Variants in TRAF6 observed in about 807,000 individuals in gnomAD.
TRAF6 encodes the protein TNF receptor-associated factor 6.
A neutral mutation model predicts 48.4 loss-of-function variants in TRAF6; 10 were observed. That is an observed-to-expected ratio of 0.21 (90% CI 0.13 to 0.35). The LOEUF (loss-of-function observed/expected upper bound fraction) is 0.35, where lower values mean the gene tolerates loss of function less well. TRAF6 is among the 10% of genes least tolerant of loss of function. TRAF6 has a pLI of 1.00. For missense variants in TRAF6, 397 were observed against 661.0 expected, an observed-to-expected ratio of 0.60 and a Z score of 4.38; for synonymous variants, 186 against 219.6, an observed-to-expected ratio of 0.85 and a Z score of 1.35.
rs138175660 is a variant in TRAF6 at position 36,489,851 on chromosome 11, T to C, written c.1556A>G (p.Asp519Gly). 1 of 1,613,512 alleles carries C rather than the reference T, an allele frequency of 6.2e-7. No individual in the cohort carries two copies. Among genetic ancestry groups the C allele is most frequent in the Non-Finnish European group, 8.5e-7 (1 of 1,179,620 alleles). ...AGTGAGGGCAAGCTATACCCCTGCA[T>C]CAGTACTTCGTGGCTGAAAACCCTC... ...RREGFQPRST[D>G]AGV The change falls in exon 7 of 7, where the codon GAT becomes GGT. Residue 519 changes from aspartate (D) to glycine (G), a missense_variant. Asp to Gly is a moderately conservative substitution (Grantham distance 94). Coordinates refer to ENST00000526995, the MANE Select transcript of TRAF6 (RefSeq NM_004620.4).
Position 36,486,212 on chromosome 11 carries a change from G to C in TRAF6, c.*3626C>G, listed in dbSNP as rs1859481520. On this transcript the variant is annotated 3_prime_UTR_variant, in exon 7 of 7. Transcript: ENST00000526995. ...GTATCATGACACCTGGCTAATTTTTGTATTTTTATAGAGATGGGGTTTCAC... is the reference window on the plus strand; with the variant it reads ...GTATCATGACACCTGGCTAATTTTTCTATTTTTATAGAGATGGGGTTTCAC... Among the ~76,000 whole-genome samples, 1 of 152,122 alleles carries C rather than the reference G, an allele frequency of 6.6e-6. No homozygotes were observed. Among genetic ancestry groups the C allele is most frequent in the African/African-American group, 2.4e-5 (1 of 41,464 alleles).
intron 2 of TRAF6, among the ~76,000 whole-genome samples, 175 bp downstream of exon 2, chr11:36,501,045 C>G (rs138938529): frequency 1.1e-4 from 16 of 152,262 alleles, no homozygotes; most frequent in Non-Finnish European, 1.9e-4. Context: ...ACTTTTCACA[C>G]AACAGTGGAA....
chr11:36,499,989 T>A (rs932573662), intron 2 of TRAF6, among the ~76,000 whole-genome samples: 4 of 152,230 alleles, frequency 2.6e-5, no homozygotes, highest in African/African-American at 9.7e-5. Context: ...TCTATTTCCA[T>A]GGAAATTGCA....
At chr11:36,491,889 T>C (rs1413707645) in intron 6 of TRAF6, among the ~76,000 whole-genome samples, 2 of 152,186 alleles carry the variant, frequency 1.3e-5, no homozygotes, top group African/African-American at 4.8e-5. Context: ...GTGAAGTCAT[T>C]ATCTGTAATT....
In TRAF6 at chr11:36,486,170, G is replaced by C. The variant is rs765828045; in HGVS notation, c.*3668C>G. 6.6e-6 allele frequency among the ~76,000 whole-genome samples: 1 copy of C among 152,098 alleles called. No homozygotes were observed. The highest frequency in any genetic ancestry group is 2.4e-5 in the African/African-American group (1 of 41,370). Reference sequence around the variant, plus strand: ...TTCCCGTGCCTCAGCCTCCCAAGAAGCTGGGATTACAGGCATGTATCATGA... The same window carrying C: ...TTCCCGTGCCTCAGCCTCCCAAGAACCTGGGATTACAGGCATGTATCATGA... On this transcript the variant is annotated 3_prime_UTR_variant, in exon 7 of 7. Transcript: ENST00000526995.
At chr11:36,500,673 G>A (rs1000893055) in intron 2 of TRAF6, among the ~76,000 whole-genome samples, 1 of 152,170 alleles carries the variant, frequency 6.6e-6, no homozygotes, top group Admixed American at 6.6e-5. Flanking sequence ...AGTCACAACA[G>A]GGTGGTAGCA....
At chr11:36,506,979 T>A (rs1227375364) in intron 1 of TRAF6, among the ~76,000 whole-genome samples, 1 of 151,978 alleles carries the variant, frequency 6.6e-6, no homozygotes, top group East Asian at 1.9e-4. Context: ...GTCCCTTTAG[T>A]TTTAAGAACT....
Position 36,487,801 on chromosome 11 carries a change from A to T in TRAF6, c.*2037T>A, listed in dbSNP as rs1216944342. 1.3e-5 allele frequency: 2 copies of T among 152,326 alleles called. No homozygotes were observed. Among genetic ancestry groups the T allele is most frequent in the East Asian group, 1.9e-4 (1 of 5,188 alleles). The allele number at this position is 152,326 out of a possible 1,614,324, so 9.4% of individuals were successfully genotyped here. ...TGACTCCTCTTTGTATCTAATGCAC[A>T]GCCAGTGCTTTTAATAGAAATCTGA... is the stretch of plus-strand genomic sequence containing the variant. On this transcript the variant is annotated 3_prime_UTR_variant, in exon 7 of 7. Coordinates refer to ENST00000526995, the MANE Select transcript of TRAF6 (RefSeq NM_004620.4).
chr11:36,507,716 C>T (rs573242540), intron 1 of TRAF6, among the ~76,000 whole-genome samples: 6 of 112,680 alleles, frequency 5.3e-5, no homozygotes, highest in Non-Finnish European at 7.3e-5. Flanking sequence ...TATACATACA[C>T]GCGCGTGTAT....
rs539490629 is a variant in TRAF6 at position 36,506,090 on chromosome 11, T to C, written c.-23+3958A>G. On this transcript the variant is annotated intron_variant, in intron 1 of 6. Coordinates refer to ENST00000526995, the MANE Select transcript of TRAF6 (RefSeq NM_004620.4). ...AGCACACGCTGTTGGAAAAATGGCG[T>C]GCAAAGACTTGCACAACACAGGGTT... Among the ~76,000 whole-genome samples the C allele has an allele frequency of 3.3e-5, 5 of 151,938 alleles. No individual in the cohort carries two copies. In the South Asian group the frequency reaches 8.3e-4, roughly 25 times the overall value.
At chr11:36,493,030 A>AC (rs1859584585) in intron 5 of TRAF6, among the ~76,000 whole-genome samples, 1 of 152,134 alleles carries the variant, frequency 6.6e-6, no homozygotes, top group South Asian at 2.1e-4. Context: ...CACTGACTAC[A>AC]CCCATACTTG....
Position 36,490,715 on chromosome 11 carries a change from C to G in TRAF6, c.757-65G>C, listed in dbSNP as rs532562337. 2.4e-5 allele frequency: 35 copies of G among 1,448,998 alleles called. 1 individual carries two copies. In the South Asian group the frequency reaches 3.9e-4, roughly 16 times the overall value. The allele number at this position is 1,448,998 out of a possible 1,614,324, so 89.8% of individuals were successfully genotyped here. Reference sequence around the variant, plus strand: ...CGTGAGGAGTAGGAAAAGGACCTGGCCAGGTCAAATAAGAAGTTTTCAAGT... The same window carrying G: ...CGTGAGGAGTAGGAAAAGGACCTGGGCAGGTCAAATAAGAAGTTTTCAAGT... On this transcript the variant is annotated intron_variant, in intron 6 of 6. Transcript: ENST00000526995. This position sits in a 1 kb window ranked among gnomAD's most constrained non-coding sequence, Gnocchi z 6.4.
rs193138550 is a variant in TRAF6, at chr11:36,484,251, C to A, written c.*5587G>T. Among the ~76,000 whole-genome samples, 1 of 152,324 alleles carries A rather than the reference C, an allele frequency of 6.6e-6. No individual in the cohort carries two copies. The highest frequency in any genetic ancestry group is 6.5e-5 in the Admixed American group (1 of 15,298). ...ATTCCTTTAATCCCTTCCTTCAATA[C>A]AACCTGCTCTTAAAACTGAACACTG... is the stretch of plus-strand genomic sequence containing the variant. On this transcript the variant is annotated 3_prime_UTR_variant, in exon 7 of 7. Transcript: ENST00000526995.
At chr11:36,507,847 T>TACATATATATACAC (rs1564971010) in intron 1 of TRAF6, among the ~76,000 whole-genome samples, 1 of 146,674 alleles carries the variant, frequency 6.8e-6, no homozygotes, top group Non-Finnish European at 1.5e-5. Context: ...TGTATATATA[T>TACATATATATACAC]ACATATATAT....
At chr11:36,493,327 T>A (rs1023769890) in intron 5 of TRAF6, among the ~76,000 whole-genome samples, 2 of 152,204 alleles carry the variant, frequency 1.3e-5, no homozygotes, top group Non-Finnish European at 2.9e-5. Flanking sequence ...AAACAGGAAG[T>A]ACCTGAGAGA....
In TRAF6 at chr11:36,484,687, A is replaced by G. The variant is rs1476244537; in HGVS notation, c.*5151T>C. Among the ~76,000 whole-genome samples the G allele has an allele frequency of 8.5e-5, 13 of 152,238 alleles. No individual in the cohort carries two copies. The highest frequency in any genetic ancestry group is 2.9e-5 in the Non-Finnish European group (2 of 68,040). The stretch of plus-strand genomic sequence containing the variant: ...GAAAATGTGTCTTAGCTCCTAATTT[A>G]GTGACCTATATGCTAAATTACACCT... On this transcript the variant is annotated 3_prime_UTR_variant, in exon 7 of 7. Coordinates refer to ENST00000526995, the MANE Select transcript of TRAF6 (RefSeq NM_004620.4).
intron 4 of TRAF6, 109 bp from the exon 5 acceptor site, chr11:36,495,156 A>G: frequency 1.3e-6 from 1 of 741,882 alleles, no homozygotes; most frequent in South Asian, 1.7e-5. Context: ...AAGGACATCA[A>G]TTTGTACAAA....
At chr11:36,492,808 G>A (rs932728590) in intron 5 of TRAF6, among the ~76,000 whole-genome samples, 180 bp from the exon 6 acceptor site, 2 of 152,206 alleles carry the variant, frequency 1.3e-5, no homozygotes, top group African/African-American at 4.8e-5. Context: ...AAGTTATAGA[G>A]AAAGGAAATA....
At chr11:36,509,547 T>A (rs5030493) in intron 1 of TRAF6, among the ~76,000 whole-genome samples, 2,010 of 152,260 alleles carry the variant, frequency 0.013, 33 homozygotes, top group East Asian at 0.07. Flanking sequence ...TTTTAAAAAT[T>A]TAAGCAGGTG....
Sources: allele counts gnomAD v4.1 joint callset (sites outside exome capture counted in the v4.1 genomes callset), GRCh38; gene constraint gnomAD v4.1.1; non-coding constraint Gnocchi (gnomAD v3.1); transcripts MANE v1.5; gene names NCBI Gene and HGNC (gene_info 2026-07-23, HGNC 2026-07-21).